PCDHA9: variants seen among roughly 807,000 people sequenced by gnomAD.
PCDHA9 encodes the protein protocadherin alpha-9.
In PCDHA9, 62 loss-of-function variants were observed where a neutral mutation model predicts 62.0. The ratio of observed to expected loss-of-function variants is 1.00; its 90% CI spans 0.81 to 1.23. The LOEUF is 1.23. Ranked by LOEUF, PCDHA9 falls within the 50% of genes most tolerant of loss-of-function variation. The probability of loss-of-function intolerance (pLI) is 0.00; values close to 1 mark genes in which losing one functional copy is unlikely to be tolerated. For missense variants in PCDHA9, 1,205 were observed against 1,249.8 expected (o/e 0.96, Z 0.54); for synonymous variants, 557 against 567.6 (o/e 0.98, Z 0.27).
intron 1 of PCDHA9, chr5:140,875,947 G>A: frequency 6.2e-7 from 1 of 1,614,184 alleles, no homozygotes; most frequent in South Asian, 1.1e-5. Context: ...GGGCGCTTCT[G>A]ATGCGGATAT....
chr5:141,007,653 C>T (rs373127730), intron 3 of PCDHA9, among the ~76,000 whole-genome samples: 1 of 152,126 alleles, frequency 6.6e-6, no homozygotes, highest in African/African-American at 2.4e-5. Context: ...GCCTAAAAAA[C>T]CATAAATTTA....
intron 1 of PCDHA9, among the ~76,000 whole-genome samples, chr5:140,878,522 C>A (rs1237264420): frequency 6.6e-6 from 1 of 152,072 alleles, no homozygotes; most frequent in Non-Finnish European, 1.5e-5. Flanking sequence ...AGTTGGTAAC[C>A]AACTGTGGCT....
intron 1 of PCDHA9, chr5:140,966,441 CT>C (rs1165111455): frequency 7.1e-6 from 3 of 424,684 alleles, no homozygotes; most frequent in African/African-American, 4.1e-5. Context: ...CTACCGCTCC[CT>C]TTCCCCCTCC....
At chr5:140,994,789 G>A (rs901197365) in intron 3 of PCDHA9, among the ~76,000 whole-genome samples, 8 of 152,260 alleles carry the variant, frequency 5.3e-5, no homozygotes, top group South Asian at 4.1e-4. Flanking sequence ...GAAACAATGC[G>A]TGCATGCAAA....
chr5:140,958,419 A>C (rs1275772647), intron 1 of PCDHA9, among the ~76,000 whole-genome samples: 1 of 152,196 alleles, frequency 6.6e-6, no homozygotes, highest in Non-Finnish European at 1.5e-5. Flanking sequence ...GCTTGGAAAG[A>C]AGCACTTTTT....
chr5:140,849,084 C>T lies in PCDHA9; in HGVS notation c.589C>T (p.Arg197Trp). ...GGTAAAACCTCTTGGACTTGTATTA[C>T]GGAAACTTTTAGACAGAGAAGAAAC... is the stretch of plus-strand genomic sequence containing the variant. ...QQVKPLGLVL[R>W]KLLDREETPE... Residue 197 changes from arginine (R) to tryptophan (W), a missense_variant, in exon 1 of 4, where the codon CGG becomes TGG. This residue lies in a region of PCDHA9 where 110 missense variants were observed against 227.2 expected (regional missense o/e 0.48). Coordinates refer to ENST00000532602, the MANE Select transcript of PCDHA9 (RefSeq NM_031857.2). 1 of 1,514,880 alleles carries T rather than the reference C, an allele frequency of 6.6e-7. No individual in the cohort carries two copies. The allele number at this position is 1,514,880 out of a possible 1,614,324, so 93.8% of individuals were successfully genotyped here.
At chr5:140,968,965 C>T in intron 1 of PCDHA9, 1 of 1,614,208 alleles carries the variant, frequency 6.2e-7, no homozygotes, top group Non-Finnish European at 8.5e-7. Context: ...AGTGCTACCG[C>T]TACACTGCGT....
At chr5:140,985,103 A>C (rs1342526252) in intron 3 of PCDHA9, among the ~76,000 whole-genome samples, 1 of 151,694 alleles carries the variant, frequency 6.6e-6, no homozygotes, top group Admixed American at 6.6e-5. Context: ...AAGCCTGGCT[A>C]ATTTTTTGTG....
At chr5:140,870,880 G>T in intron 1 of PCDHA9, 1 of 1,613,948 alleles carries the variant, frequency 6.2e-7, no homozygotes. Context: ...GGTGGCGAAG[G>T]TGCGCGCAGT....
chr5:140,863,055 G>T (rs570398935), intron 1 of PCDHA9: 9 of 563,522 alleles, frequency 1.6e-5, no homozygotes, highest in African/African-American at 1.3e-4. Context: ...GGCAGCACCC[G>T]TTCCACGTGG....
chr5:140,907,782 G>A (rs1285928394), intron 1 of PCDHA9, among the ~76,000 whole-genome samples: 1 of 152,158 alleles, frequency 6.6e-6, no homozygotes, highest in African/African-American at 2.4e-5. Flanking sequence ...AGGGGTGGCT[G>A]GGGAAAGAGG....
intron 3 of PCDHA9, among the ~76,000 whole-genome samples, chr5:140,991,523 T>A (rs73268060): frequency 0.032 from 4,843 of 152,294 alleles, 263 homozygotes; most frequent in African/African-American, 0.11. Flanking sequence ...CAAGGTGTGT[T>A]CTTGCCACTA....
chr5:140,906,962 C>T (rs1554192812), intron 1 of PCDHA9, among the ~76,000 whole-genome samples: 2 of 152,146 alleles, frequency 1.3e-5, no homozygotes, highest in South Asian at 4.1e-4. Context: ...TTAATGGAAT[C>T]GTGGTTGTGT....
intron 3 of PCDHA9, among the ~76,000 whole-genome samples, chr5:141,008,970 G>A (rs147776833): frequency 6.6e-6 from 1 of 152,236 alleles, no homozygotes; most frequent in East Asian, 1.9e-4. Flanking sequence ...TACATTTATA[G>A]CCAAAGTTTA....
At chr5:140,951,751 C>T (rs1206749897) in intron 1 of PCDHA9, among the ~76,000 whole-genome samples, 2 of 152,112 alleles carry the variant, frequency 1.3e-5, no homozygotes, top group Non-Finnish European at 2.9e-5. Flanking sequence ...CCTCACCCTC[C>T]GCGAAATCTC....
chr5:140,900,180 T>G (rs1223345758), intron 1 of PCDHA9, among the ~76,000 whole-genome samples: 3 of 152,228 alleles, frequency 2.0e-5, no homozygotes, highest in Non-Finnish European at 4.4e-5. Context: ...CTGGTTTATG[T>G]CACTTATAAT....
chr5:140,882,942 C>T (rs2059373370), intron 1 of PCDHA9: 1 of 1,614,224 alleles, frequency 6.2e-7, no homozygotes. Flanking sequence ...CTGACTGGCA[C>T]AGTTCAGCTG....
intron 1 of PCDHA9, chr5:140,853,286 T>G: frequency 2.0e-6 from 2 of 981,814 alleles, no homozygotes; most frequent in Non-Finnish European, 2.5e-6. Flanking sequence ...CATATGCAAA[T>G]TCTCAGAAGG....
At chr5:140,924,208 G>T (rs1197265860) in intron 1 of PCDHA9, among the ~76,000 whole-genome samples, 1 of 152,238 alleles carries the variant, frequency 6.6e-6, no homozygotes, top group Non-Finnish European at 1.5e-5. Flanking sequence ...GAAATTTGGT[G>T]AAGAATAAGT....
Sources: allele counts gnomAD v4.1 joint callset (sites outside exome capture counted in the v4.1 genomes callset), GRCh38; gene constraint gnomAD v4.1.1; regional missense constraint gnomAD v4.1.1; transcripts MANE v1.5; gene names NCBI Gene and HGNC (gene_info 2026-07-23, HGNC 2026-07-21).